The following PCDH15 variants were observed in gnomAD, a reference collection of about 807,000 sequenced individuals.
PCDH15 encodes protocadherin-15.
Under a neutral mutation model 178.5 loss-of-function variants are expected in PCDH15, and 129 were observed. That is an observed-to-expected ratio of 0.72 (90% confidence interval 0.63 to 0.84). The LOEUF (loss-of-function observed/expected upper bound fraction) is 0.84. Ranked by LOEUF, PCDH15 falls within the 40% of genes least tolerant of loss-of-function variation. PCDH15 has a pLI of 0.00. For synonymous variants in PCDH15, 800 were observed against 732.0 expected (o/e 1.09, Z -1.50); for missense variants, 2,230 against 2,099.9 (o/e 1.06, Z -1.21).
chr10:53,825,222 G>A, intron 32 of PCDH15: 4 of 1,435,610 alleles, frequency 2.8e-6, no homozygotes, highest in Non-Finnish European at 3.7e-6. Flanking sequence ...AAACAATTCT[G>A]AAAATATGAG....
chr10:54,425,333 C>CT (rs1476852250), intron 3 of PCDH15, among the ~76,000 whole-genome samples: 1 of 151,970 alleles, frequency 6.6e-6, no homozygotes, highest in East Asian at 1.9e-4. Context: ...GAAGATAGAC[C>CT]TGAGCTAGCA....
At chr10:53,908,268 A>T (rs910390832) in intron 25 of PCDH15, among the ~76,000 whole-genome samples, 1 of 152,168 alleles carries the variant, frequency 6.6e-6, no homozygotes, top group Admixed American at 6.5e-5. Context: ...AAACAAACAA[A>T]ATATTTGGGC....
intron 3 of PCDH15, among the ~76,000 whole-genome samples, chr10:54,408,493 T>TGA (rs35224496): frequency 0.48 from 72,129 of 151,354 alleles, 17,798 homozygotes; most frequent in Non-Finnish European, 0.53. Flanking sequence ...TCTATTAACA[T>TGA]GTTTTACAAT....
intron 2 of PCDH15, among the ~76,000 whole-genome samples, chr10:55,068,330 T>G (rs1170777850): frequency 6.6e-6 from 1 of 152,126 alleles, no homozygotes; most frequent in Non-Finnish European, 1.5e-5. Flanking sequence ...GTTATCCAGC[T>G]TTCCAAGATA....
At chr10:54,651,188 A>T (rs1247826720) in intron 2 of PCDH15, among the ~76,000 whole-genome samples, 1 of 152,200 alleles carries the variant, frequency 6.6e-6, no homozygotes, top group African/African-American at 2.4e-5. Context: ...GGATACAGTA[A>T]GAAAAGCAAA....
chr10:54,704,747 A>G (rs2095348602), intron 1 of PCDH15, among the ~76,000 whole-genome samples: 1 of 152,166 alleles, frequency 6.6e-6, no homozygotes, highest in African/African-American at 2.4e-5. Context: ...TGATTAAGCC[A>G]TTGTGGAAAG....
chr10:54,932,307 G>T (rs1426920937), intron 2 of PCDH15, among the ~76,000 whole-genome samples: 2 of 152,142 alleles, frequency 1.3e-5, no homozygotes, highest in African/African-American at 4.8e-5. Context: ...CTGACCCTGT[G>T]TATGCCTAGG....
intron 2 of PCDH15, among the ~76,000 whole-genome samples, chr10:54,535,794 G>C (rs543841913): frequency 1.3e-4 from 19 of 150,402 alleles, no homozygotes; most frequent in African/African-American, 4.6e-4. Flanking sequence ...ATTGTCAGTA[G>C]AAGGCTGCTC....
At chr10:53,817,154 A>T (rs2076087492) in intron 34 of PCDH15, among the ~76,000 whole-genome samples, 1 of 143,354 alleles carries the variant, frequency 7.0e-6, no homozygotes, top group Admixed American at 6.7e-5. Context: ...TTTATAATAC[A>T]GTTGTTGGTG....
chr10:54,835,732 A>T (rs927532420), intron 3 of PCDH15, among the ~76,000 whole-genome samples: 2 of 152,206 alleles, frequency 1.3e-5, no homozygotes, highest in East Asian at 3.9e-4. Flanking sequence ...GAGGAAATTC[A>T]TCAATATTCA....
At chr10:53,946,604 G>T (rs1230476858) in intron 23 of PCDH15, among the ~76,000 whole-genome samples, 1 of 151,956 alleles carries the variant, frequency 6.6e-6, no homozygotes, top group Admixed American at 6.6e-5. Flanking sequence ...CAATGTATTG[G>T]ATGTATCACA....
intron 27 of PCDH15, among the ~76,000 whole-genome samples, chr10:53,860,458 T>C (rs2079029533): frequency 6.6e-6 from 1 of 152,086 alleles, no homozygotes; most frequent in South Asian, 2.1e-4. Flanking sequence ...AAGCCAGGCG[T>C]AGTGCCTCAC....
At chr10:54,782,249 G>C (rs1877425) in intron 1 of PCDH15, among the ~76,000 whole-genome samples, 3 of 152,090 alleles carry the variant, frequency 2.0e-5, no homozygotes, top group African/African-American at 7.2e-5. Flanking sequence ...TGAACAAGCA[G>C]GGACTTTGCA....
At chr10:54,752,506 CAA>C (rs1249514541) in intron 1 of PCDH15, among the ~76,000 whole-genome samples, 1 of 53,186 alleles carries the variant, frequency 1.9e-5, no homozygotes, top group South Asian at 4.6e-4. Flanking sequence ...AAACAAAAAA[CAA>C]AAAACAAACA....
chr10:54,943,750 C>T (rs1002464322), intron 2 of PCDH15, among the ~76,000 whole-genome samples: 6 of 151,596 alleles, frequency 4.0e-5, no homozygotes, highest in Admixed American at 1.3e-4. Context: ...AGTGGTGATT[C>T]CTCTGGTTAA....
intron 2 of PCDH15, among the ~76,000 whole-genome samples, chr10:55,394,072 T>C (rs1368029348): frequency 2.0e-5 from 3 of 152,038 alleles, no homozygotes; most frequent in Non-Finnish European, 4.4e-5. Context: ...GCCCCTTCCC[T>C]CTTTGAAGAG....
At chr10:55,359,032 C>T (rs937308733) in intron 2 of PCDH15, among the ~76,000 whole-genome samples, 14 of 151,842 alleles carry the variant, frequency 9.2e-5, no homozygotes, top group African/African-American at 2.4e-4. Flanking sequence ...TCTCTAAAAA[C>T]AATAATTTAT....
intron 5 of PCDH15, among the ~76,000 whole-genome samples, chr10:54,356,762 G>C (rs186192027): frequency 4.5e-4 from 68 of 151,930 alleles, no homozygotes; most frequent in African/African-American, 8.2e-4. Context: ...TTGTTATTCT[G>C]TATGGGGACC....
At chr10:54,414,200 G>A (rs1030227434) in intron 3 of PCDH15, among the ~76,000 whole-genome samples, 4 of 152,154 alleles carry the variant, frequency 2.6e-5, no homozygotes, top group South Asian at 2.1e-4. Context: ...TGTCCTAGAA[G>A]GCCAAAAACT....
Sources: allele counts gnomAD v4.1 joint callset (sites outside exome capture counted in the v4.1 genomes callset), GRCh38; gene constraint gnomAD v4.1.1; transcripts MANE v1.5; gene names NCBI Gene and HGNC (gene_info 2026-07-23, HGNC 2026-07-21).